CHD9: variants seen among roughly 807,000 people sequenced by gnomAD.
The protein encoded by CHD9 is chromodomain helicase DNA binding protein 9, also known as ATP-dependent chromatin remodeler CHD9.
In CHD9, 77 loss-of-function variants were observed where a neutral mutation model predicts 316.1. That is an observed-to-expected ratio of 0.24 (90% CI 0.20 to 0.29). The LOEUF is 0.29. CHD9 is among the 10% of genes least tolerant of loss of function. The pLI is 1.00. For synonymous variants in CHD9, 1,129 were observed against 1,158.3 expected, an observed-to-expected ratio of 0.97 and a Z score of 0.51; for missense variants, 2,763 against 3,438.1, an observed-to-expected ratio of 0.80 and a Z score of 4.91.
At chr16:53,204,124 G>A (rs1045806719) in intron 2 of CHD9, among the ~76,000 whole-genome samples, 10 of 52,360 alleles carry the variant, frequency 1.9e-4, no homozygotes, top group Non-Finnish European at 3.6e-4. Flanking sequence ...TCTAGATAAC[G>A]TGTGTGTGTG....
At chr16:53,079,869 A>T (rs1284847464) in intron 1 of CHD9, among the ~76,000 whole-genome samples, 2 of 152,222 alleles carry the variant, frequency 1.3e-5, no homozygotes, top group Non-Finnish European at 2.9e-5. Context: ...GCATCTCTTC[A>T]TCTAGCTGTT....
At chr16:53,293,597 CA>C (rs2054537290) in intron 29 of CHD9, among the ~76,000 whole-genome samples, 1 of 152,000 alleles carries the variant, frequency 6.6e-6, no homozygotes, top group Non-Finnish European at 1.5e-5. Flanking sequence ...GCCTAAGTGA[CA>C]GAGCAAGACG....
At chr16:53,165,052 T>C (rs2042181053) in intron 2 of CHD9, among the ~76,000 whole-genome samples, 1 of 152,172 alleles carries the variant, frequency 6.6e-6, no homozygotes, top group Non-Finnish European at 1.5e-5. Context: ...TGAAGGACTT[T>C]AGAGGTCATT....
At chr16:53,120,041 C>T (rs1156759587) in intron 1 of CHD9, among the ~76,000 whole-genome samples, 2 of 149,078 alleles carry the variant, frequency 1.3e-5, no homozygotes, top group Admixed American at 1.4e-4. Context: ...GCCTGGGTAA[C>T]ATAGGAAGAC....
At chr16:53,195,589 T>C (rs2044836811) in intron 2 of CHD9, among the ~76,000 whole-genome samples, 1 of 152,052 alleles carries the variant, frequency 6.6e-6, no homozygotes, top group African/African-American at 2.4e-5. Flanking sequence ...TCCTTGCAAC[T>C]GTAGAACTCC....
chr16:53,292,959 C>T lies in CHD9; in HGVS notation c.5417C>T (p.Pro1806Leu), dbSNP rs372773486. The change falls in exon 29 of 39, where the codon CCG (proline) becomes CTG (leucine). Residue 1806 changes from proline to leucine, a missense_variant. Physicochemically the swap from Pro to Leu is moderately conservative, Grantham distance 98 (BLOSUM62 -3). Around this residue, in one of 15 missense-constraint regions of CHD9, gnomAD observed 183 missense variants for 258.5 expected, o/e 0.71. Transcript: ENST00000447540. ...AACAGACAAATTCAGCAGATACAAC[C>T]GACTTTCTCGGTGCCTACCAGTGTA... The part of the protein sequence containing the change: ...NKNRQIQQIQ[P>L]TFSVPTSVMQ... 41 of 1,613,590 alleles carry T rather than the reference C, an allele frequency of 2.5e-5. No individual in the cohort carries two copies. The highest frequency in any genetic ancestry group is 5.0e-5 in the Admixed American group (3 of 59,984).
At chr16:53,127,620 CG>C (rs1034485159) in intron 1 of CHD9, among the ~76,000 whole-genome samples, 11 of 151,402 alleles carry the variant, frequency 7.3e-5, no homozygotes, top group South Asian at 4.2e-4. Flanking sequence ...AAAATGGGGG[CG>C]GGGGGGAATC....
intron 20 of CHD9, among the ~76,000 whole-genome samples, chr16:53,264,747 GAA>G (rs1440920790): frequency 6.6e-6 from 1 of 152,144 alleles, no homozygotes; most frequent in African/African-American, 2.4e-5. Context: ...TGAATGAAGA[GAA>G]AGAGCCAATA....
intron 29 of CHD9, among the ~76,000 whole-genome samples, chr16:53,295,340 T>C (rs1214479613): frequency 3.3e-5 from 5 of 152,200 alleles, no homozygotes; most frequent in Non-Finnish European, 7.3e-5. Flanking sequence ...TTGGCCAGGC[T>C]TGTCTTGAAT....
At chr16:53,257,458 G>A (rs989646499) in intron 19 of CHD9, among the ~76,000 whole-genome samples, 1 of 152,152 alleles carries the variant, frequency 6.6e-6, no homozygotes, top group Non-Finnish European at 1.5e-5. Flanking sequence ...ATTATTTAAG[G>A]GACTTGTGTA....
intron 1 of CHD9, among the ~76,000 whole-genome samples, chr16:53,130,393 C>G (rs1019973390): frequency 2.0e-5 from 3 of 151,850 alleles, no homozygotes; most frequent in African/African-American, 7.2e-5. Context: ...AGATGCCCTG[C>G]ATGTGAGTGA....
At chr16:53,165,125 T>G (rs1187232819) in intron 2 of CHD9, among the ~76,000 whole-genome samples, 2 of 152,188 alleles carry the variant, frequency 1.3e-5, no homozygotes, top group African/African-American at 4.8e-5. Flanking sequence ...GGAAGAAGTT[T>G]GAAATAAAGC....
At chr16:53,246,808 G>A (rs1283182658) in intron 15 of CHD9, among the ~76,000 whole-genome samples, 6 of 152,058 alleles carry the variant, frequency 3.9e-5, no homozygotes, top group Non-Finnish European at 7.3e-5. Flanking sequence ...ACAGGCACGA[G>A]CCACTGCACC....
At chr16:53,169,601 G>A (rs991721648) in intron 2 of CHD9, among the ~76,000 whole-genome samples, 25 of 152,086 alleles carry the variant, frequency 1.6e-4, no homozygotes, top group African/African-American at 6.0e-4. Flanking sequence ...TGCCACATTT[G>A]CTTTCTCTTA....
At chr16:53,305,182 C>T (rs571702919) in intron 31 of CHD9, among the ~76,000 whole-genome samples, 2 of 152,262 alleles carry the variant, frequency 1.3e-5, no homozygotes, top group East Asian at 1.9e-4. Flanking sequence ...CTGCCTCAGC[C>T]TCCTGAGTAG....
chr16:53,066,052 C>T (rs1465665099), intron 1 of CHD9, among the ~76,000 whole-genome samples: 2 of 152,180 alleles, frequency 1.3e-5, no homozygotes, highest in East Asian at 1.9e-4. Context: ...CGAGTAAGAA[C>T]TTCTTGCAAT....
At chr16:53,217,536 G>A (rs190392554) in intron 3 of CHD9, among the ~76,000 whole-genome samples, 7 of 152,144 alleles carry the variant, frequency 4.6e-5, no homozygotes, top group African/African-American at 1.7e-4. Flanking sequence ...TCACAGGCGT[G>A]AGCCACCACA....
chr16:53,254,324 A>C, intron 17 of CHD9, 114 bp from the exon 18 acceptor site: 1 of 639,152 alleles, frequency 1.6e-6, no homozygotes, highest in Non-Finnish European at 2.4e-6. Context: ...GGTTATATCT[A>C]ATTCAATAAA....
At chr16:53,319,868 A>AC (rs1160400298) in intron 37 of CHD9, 17 of 1,235,788 alleles carry the variant, frequency 1.4e-5, no homozygotes, top group Non-Finnish European at 1.6e-5. Context: ...ATCCCCATAA[A>AC]CCCCCAAGAG....
Sources: gnomAD v4.1 joint callset for allele counts (sites outside exome capture counted in the v4.1 genomes callset) on GRCh38, gnomAD v4.1.1 for gene constraint, gnomAD v4.1.1 regional missense constraint, MANE v1.5 for transcripts, NCBI Gene and HGNC (gene_info 2026-07-23, HGNC 2026-07-21) for gene names.